The following LTBP2 variants were observed in gnomAD, a reference collection of about 807,000 sequenced individuals.
LTBP2 encodes latent-transforming growth factor beta-binding protein 2.
In LTBP2, 103 loss-of-function variants were observed where a neutral mutation model predicts 210.6. The observed-to-expected ratio is 0.49, with a 90% CI of 0.42 to 0.58. The LOEUF is 0.58. Ranked by LOEUF, LTBP2 falls within the 20% of genes least tolerant of loss-of-function variation. The pLI is 0.00. For synonymous variants in LTBP2, 1,007 were observed against 1,015.0 expected, an observed-to-expected ratio of 0.99 and a Z score of 0.15; for missense variants, 2,313 against 2,494.5, an observed-to-expected ratio of 0.93 and a Z score of 1.55.
intron 15 of LTBP2, among the ~76,000 whole-genome samples, chr14:74,524,467 C>G (rs539157276): frequency 6.6e-6 from 1 of 152,166 alleles, no homozygotes; most frequent in East Asian, 1.9e-4. Context: ...AGAGCAGGAG[C>G]CCCAGGAGCG....
chr14:74,507,055 A>G, intron 26 of LTBP2, 124 bp downstream of exon 26: 1 of 1,575,744 alleles, frequency 6.3e-7, no homozygotes, highest in Non-Finnish European at 8.7e-7. Context: ...TGCTGGATGG[A>G]AAATATACAA....
chr14:74,535,934 T>C lies in LTBP2; in HGVS notation c.1856A>G (p.His619Arg). 3.1e-6 allele frequency: 5 copies of C among 1,614,126 alleles called. No individual in the cohort carries two copies. Among genetic ancestry groups the C allele is most frequent in the Non-Finnish European group, 3.4e-6 (4 of 1,180,004 alleles). The change falls in exon 9 of 36, where the codon CAC becomes CGC. Residue 619 changes from histidine (H) to arginine (R), a missense_variant. Around this residue, in one of 3 missense-constraint regions of LTBP2, gnomAD observed 1,867 missense variants for 1,976.9 expected, o/e 0.94. Coordinates refer to ENST00000261978, the MANE Select transcript of LTBP2 (RefSeq NM_000428.3). ...GGCCCTGGGGGTCCTACCTTGGCAGTGAGTGAGGTTCAGTCTCTTGTACCC... is the reference window on the plus strand; with the variant it reads ...GGCCCTGGGGGTCCTACCTTGGCAGCGAGTGAGGTTCAGTCTCTTGTACCC... ...PQGYKRLNLT[H>R]CQDINECLTL...
Position 74,503,566 on chromosome 14 carries a change from C to T in LTBP2, c.4623G>A (p.Glu1541=), listed in dbSNP as rs137871407. ...ECQDLACENG[E]CVNTEGSFHC... ...GGAAGGAGCCCTCCGTGTTGACGCA[C>T]TCGCCATTCTCACAGGCCAGGTCCT... is the stretch of plus-strand genomic sequence containing the variant. Residue 1541 remains glutamate, a synonymous_variant, in exon 32 of 36, where the codon GAG becomes GAA. Coordinates refer to ENST00000261978, the MANE Select transcript of LTBP2 (RefSeq NM_000428.3). 24 of 1,613,888 alleles carry T rather than the reference C, an allele frequency of 1.5e-5. No homozygotes were observed. Among genetic ancestry groups the T allele is most frequent in the Middle Eastern group, 1.7e-4 (1 of 6,058 alleles).
chr14:74,519,839 G>C (rs1460637518), intron 17 of LTBP2, among the ~76,000 whole-genome samples: 1 of 152,234 alleles, frequency 6.6e-6, no homozygotes, highest in Non-Finnish European at 1.5e-5. Flanking sequence ...CAGCTCCCCA[G>C]GCTGGGTCTG....
intron 4 of LTBP2, among the ~76,000 whole-genome samples, 169 bp downstream of exon 4, chr14:74,555,334 T>C (rs981113363): frequency 2.6e-5 from 4 of 152,142 alleles, no homozygotes; most frequent in African/African-American, 9.7e-5. Flanking sequence ...TTAGGACCCC[T>C]GGACCCCGGC....
chr14:74,584,878 C>G (rs1188847596), intron 3 of LTBP2, among the ~76,000 whole-genome samples: 2 of 152,162 alleles, frequency 1.3e-5, no homozygotes, highest in Admixed American at 6.6e-5. Flanking sequence ...CTCAGCCAGT[C>G]TCTCCTAACC....
Position 74,527,351 on chromosome 14 carries a change from C to A in LTBP2, c.2384G>T (p.Gly795Val). The change falls in exon 13 of 36, where the codon GGC (glycine) becomes GTC (valine). Residue 795 changes from glycine to valine, a missense_variant. Around this residue, in one of 3 missense-constraint regions of LTBP2, gnomAD observed 1,867 missense variants for 1,976.9 expected, o/e 0.94. Coordinates refer to ENST00000261978, the MANE Select transcript of LTBP2 (RefSeq NM_000428.3). ...TIPDKGDSQA[G>V]QVTTSVTHAP... ...CTAGTGGGAGGACGCACTCACCTGG[C>A]CAGCCTGAGAGTCACCTGGAAGGGA... 8.7e-6 allele frequency: 14 copies of A among 1,611,450 alleles called. No homozygotes were observed. The highest frequency in any genetic ancestry group is 1.2e-5 in the Non-Finnish European group (14 of 1,179,156).
At chr14:74,545,847 C>T (rs1019479060) in intron 8 of LTBP2, among the ~76,000 whole-genome samples, 2 of 152,154 alleles carry the variant, frequency 1.3e-5, no homozygotes, top group African/African-American at 2.4e-5. Context: ...CAGCTGGGTA[C>T]ACATTACCTC....
At chr14:74,589,241 C>T (rs1219022646) in intron 2 of LTBP2, among the ~76,000 whole-genome samples, 4 of 152,172 alleles carry the variant, frequency 2.6e-5, no homozygotes, top group Admixed American at 6.5e-5. Context: ...CTGTCTGACA[C>T]GGAAAGTAGA....
Position 74,528,552 on chromosome 14 carries a change from G to T in LTBP2, c.2299C>A (p.Pro767Thr), listed in dbSNP as rs2087305874. The T allele has an allele frequency of 6.2e-7, 1 of 1,613,088 alleles. No individual in the cohort carries two copies. The highest frequency in any genetic ancestry group is 8.5e-7 in the Non-Finnish European group (1 of 1,180,044). The change falls in exon 12 of 36, where the codon CCA (proline) becomes ACA (threonine). Residue 767 changes from proline (P) to threonine (T), a missense_variant. By Grantham distance (38) the Pro-to-Thr change is conservative. This residue lies in a region of LTBP2 where 1,867 missense variants were observed against 1,976.9 expected (regional missense o/e 0.94). Coordinates refer to ENST00000261978, the MANE Select transcript of LTBP2 (RefSeq NM_000428.3). ...ACCCGGAGGGGCTGCCTCTCTGCTGGCCCGGGCAGTGCCCCGCTGCTCCTC... is the reference window on the plus strand; with the variant it reads ...ACCCGGAGGGGCTGCCTCTCTGCTGTCCCGGGCAGTGCCCCGCTGCTCCTC... ...GQRSSGALPGPAERQPLRVVT... is the reference protein window; with the variant it reads ...GQRSSGALPGTAERQPLRVVT...
At chr14:74,560,873 G>A (rs551130784) in intron 3 of LTBP2, among the ~76,000 whole-genome samples, 44 of 152,328 alleles carry the variant, frequency 2.9e-4, no homozygotes, top group Middle Eastern at 3.4e-3. Flanking sequence ...GAGCATGTGC[G>A]TAGCTTATAT....
chr14:74,539,541 T>C (rs2087465349), intron 8 of LTBP2, among the ~76,000 whole-genome samples: 1 of 152,038 alleles, frequency 6.6e-6, no homozygotes, highest in African/African-American at 2.4e-5. Context: ...ACCCCGTCTC[T>C]ACAAAAAAAA....
At chr14:74,519,371 A>G (rs929848340) in intron 17 of LTBP2, among the ~76,000 whole-genome samples, 1 of 152,130 alleles carries the variant, frequency 6.6e-6, no homozygotes, top group African/African-American at 2.4e-5. Context: ...TGGAAAACTG[A>G]GCAAAAATGG....
At chr14:74,543,103 GCACGGTGGTT>G (rs202057022) in intron 8 of LTBP2, among the ~76,000 whole-genome samples, 3,533 of 151,902 alleles carry the variant, frequency 0.023, 50 homozygotes, top group South Asian at 0.086. Context: ...ACTGGGCTGG[GCACGGTGGTT>G]CACATCTGTA....
At chr14:74,539,483 T>C (rs1310818125) in intron 8 of LTBP2, among the ~76,000 whole-genome samples, 3 of 151,836 alleles carry the variant, frequency 2.0e-5, no homozygotes, top group Non-Finnish European at 4.4e-5. Context: ...GAGGCAGGAG[T>C]GTCCCTTGAG....
intron 2 of LTBP2, among the ~76,000 whole-genome samples, chr14:74,588,473 G>A (rs182838847): frequency 1.1e-3 from 172 of 152,108 alleles, no homozygotes; most frequent in Admixed American, 4.1e-3. Context: ...CGCCCACCTC[G>A]GCCTCCCAAA....
At chr14:74,608,172 A>G (rs989146769) in intron 1 of LTBP2, among the ~76,000 whole-genome samples, 61 of 151,938 alleles carry the variant, frequency 4.0e-4, no homozygotes, top group Non-Finnish European at 8.2e-4. Flanking sequence ...CACCCGCCTC[A>G]GCCTCCCAAA....
rs1374578453 is a variant in LTBP2 at position 74,501,001 on chromosome 14, C to G, written c.5349G>C (p.Gly1783=). The part of the protein sequence containing the change: ...VDVNECDDLN[G]PAVLCVHGYC... The stretch of plus-strand genomic sequence containing the variant: ...AACCATGGACACAGAGCACAGCAGG[C>G]CCGTTCAAGTCATCACACTCATTCA... Residue 1783 remains glycine, a synonymous_variant, in exon 36 of 36, where the codon GGG becomes GGC. Transcript: ENST00000261978. 1.2e-6 allele frequency: 2 copies of G among 1,613,978 alleles called. No individual in the cohort carries two copies. The highest frequency in any genetic ancestry group is 1.7e-6 in the Non-Finnish European group (2 of 1,179,950).
In LTBP2 at chr14:74,540,752, G is replaced by A. The variant is rs1399589220; in HGVS notation, c.1790-4752C>T. Among the ~76,000 whole-genome samples the A allele has an allele frequency of 1.5e-4, 20 of 131,146 alleles. No homozygotes were observed. The East Asian group carries it at 3.7e-3, about 25-fold the overall frequency. 86.0% of individuals were successfully genotyped at this position (131,146 alleles called of 152,430 possible). ...TGCACTCCAGCCTGGGCAACAGAGC[G>A]AGACTCCATCTTAAAAAATATATAT... On this transcript the variant is annotated intron_variant, in intron 8 of 35. Transcript: ENST00000261978.
Sources: allele counts gnomAD v4.1 joint callset (sites outside exome capture counted in the v4.1 genomes callset), GRCh38; gene constraint gnomAD v4.1.1; regional missense constraint gnomAD v4.1.1; transcripts MANE v1.5; gene names NCBI Gene and HGNC (gene_info 2026-07-23, HGNC 2026-07-21).